RPS6KC1: variants seen among roughly 807,000 people sequenced by gnomAD.
RPS6KC1 encodes the protein ribosomal protein S6 kinase C1, also known as inactive ribosomal protein S6 kinase delta-1.
In RPS6KC1, 54 loss-of-function variants were observed where a neutral mutation model predicts 103.8. That is an observed-to-expected ratio of 0.52 (90% confidence interval 0.42 to 0.65). RPS6KC1 has a LOEUF of 0.65. Ranked by LOEUF, RPS6KC1 falls within the 30% of genes least tolerant of loss-of-function variation. The probability of loss-of-function intolerance (pLI) is 0.00; values close to 1 mark genes in which losing one functional copy is unlikely to be tolerated. For missense variants in RPS6KC1, 1,151 were observed against 1,253.8 expected (o/e 0.92, Z 1.24); for synonymous variants, 439 against 438.7 (o/e 1.00, Z -0.01).
At chr1:213,731,814 A>G in the RPS6KC1 span, among the ~76,000 whole-genome samples, 4 of 152,204 alleles carry the variant, frequency 2.6e-5, no homozygotes, top group Admixed American at 1.3e-4. Context: ...ATAGCCTAAA[A>G]TGTCCAACAG....
At chr1:213,688,668 A>G in the RPS6KC1 span, among the ~76,000 whole-genome samples, 1 of 152,122 alleles carries the variant, frequency 6.6e-6, no homozygotes, top group African/African-American at 2.4e-5. Context: ...AACACTTACC[A>G]TCTTGCTTTC....
In RPS6KC1 at chr1:213,129,650, C is replaced by A. The variant is rs766825388; in HGVS notation, c.596C>A (p.Ser199Ter). The A allele has an allele frequency of 6.2e-7, 1 of 1,613,888 alleles. No homozygotes were observed. The highest frequency in any genetic ancestry group is 1.3e-5 in the African/African-American group (1 of 74,890). ...AGAACTTTTGGTCTCAATCTTTCTT[C>A]GGATTCTTCAGCACTAGGGGCTGTT... ...PIRTFGLNLS[S>*]DSSALGAVAS... Residue 199 changes from serine (S) to a stop codon, truncating the protein, a stop_gained, in exon 6 of 15, where the codon TCG (serine) becomes TAG (stop). Coordinates refer to ENST00000366960, the MANE Select transcript of RPS6KC1 (RefSeq NM_012424.6). LOFTEE classifies it high-confidence loss of function.
chr1:213,830,751 A>G, the RPS6KC1 span, among the ~76,000 whole-genome samples: 1 of 151,466 alleles, frequency 6.6e-6, no homozygotes, highest in Admixed American at 6.6e-5. Context: ...TAGATATTCT[A>G]TTTTAGTCAT....
chr1:213,647,059 C>T, the RPS6KC1 span, among the ~76,000 whole-genome samples: 1 of 151,638 alleles, frequency 6.6e-6, no homozygotes, highest in Non-Finnish European at 1.5e-5. Context: ...CACTACCGCC[C>T]GTAATACACA....
chr1:213,082,153 G>T (rs2079953695), intron 3 of RPS6KC1, among the ~76,000 whole-genome samples: 1 of 152,078 alleles, frequency 6.6e-6, no homozygotes. Flanking sequence ...CGGCACGGTG[G>T]CTCATGCCTG....
At chr1:213,411,148 C>T in the RPS6KC1 span, among the ~76,000 whole-genome samples, 4 of 152,178 alleles carry the variant, frequency 2.6e-5, no homozygotes, top group African/African-American at 9.7e-5. Context: ...CCTGCTCATT[C>T]ACTTGTTGTT....
At chr1:213,645,053 T>G in the RPS6KC1 span, among the ~76,000 whole-genome samples, 2 of 152,100 alleles carry the variant, frequency 1.3e-5, no homozygotes, top group Admixed American at 1.3e-4. Flanking sequence ...TGGGTATAGC[T>G]TCCAAGAAAG....
chr1:213,093,038 T>C (rs2081126642), intron 3 of RPS6KC1, among the ~76,000 whole-genome samples: 1 of 152,212 alleles, frequency 6.6e-6, no homozygotes, highest in African/African-American at 2.4e-5. Flanking sequence ...CTTAAACTTT[T>C]CTCCACATCC....
the RPS6KC1 span, among the ~76,000 whole-genome samples, chr1:213,567,391 C>T: frequency 1.3e-5 from 2 of 152,204 alleles, no homozygotes; most frequent in Non-Finnish European, 2.9e-5. Context: ...TAACTCCCGA[C>T]TCCATGTGGA....
chr1:213,222,048 TCTTAA>T (rs2093846804), intron 8 of RPS6KC1, among the ~76,000 whole-genome samples: 1 of 152,242 alleles, frequency 6.6e-6, no homozygotes, highest in Admixed American at 6.5e-5. Context: ...ACTCTGCCGT[TCTTAA>T]CTTTGTTAAC....
At chr1:213,740,414 T>C in the RPS6KC1 span, among the ~76,000 whole-genome samples, 1 of 152,062 alleles carries the variant, frequency 6.6e-6, no homozygotes, top group African/African-American at 2.4e-5. Context: ...ATTTAAGTAA[T>C]TGATTAAATA....
At chr1:213,257,955 C>T (rs2094691250) in intron 12 of RPS6KC1, among the ~76,000 whole-genome samples, 1 of 151,382 alleles carries the variant, frequency 6.6e-6, no homozygotes, top group Non-Finnish European at 1.5e-5. Context: ...AGGTGCACAC[C>T]ACCACACCTG....
chr1:213,316,147 A>C, the RPS6KC1 span, among the ~76,000 whole-genome samples: 3 of 152,186 alleles, frequency 2.0e-5, no homozygotes, highest in Non-Finnish European at 2.9e-5. Context: ...ATAGTGAGTG[A>C]GTTCTCACAG....
chr1:213,662,877 A>G, the RPS6KC1 span, among the ~76,000 whole-genome samples: 1 of 152,150 alleles, frequency 6.6e-6, no homozygotes, highest in Non-Finnish European at 1.5e-5. Context: ...TCGTTTGGTC[A>G]CTTATTCAAT....
At chr1:213,363,298 T>C in the RPS6KC1 span, among the ~76,000 whole-genome samples, 1 of 152,348 alleles carries the variant, frequency 6.6e-6, no homozygotes, top group East Asian at 1.9e-4. Flanking sequence ...CTATTGTGAG[T>C]AGCTGAAAAC....
the RPS6KC1 span, among the ~76,000 whole-genome samples, chr1:213,665,837 A>G: frequency 3.3e-5 from 5 of 152,216 alleles, no homozygotes; most frequent in Non-Finnish European, 7.3e-5. Flanking sequence ...ACTATAAAAT[A>G]CTGTGTAGTA....
At chr1:213,358,800 C>T in the RPS6KC1 span, among the ~76,000 whole-genome samples, 1 of 152,138 alleles carries the variant, frequency 6.6e-6, no homozygotes, top group Non-Finnish European at 1.5e-5. Context: ...TTTCTGCCTT[C>T]ATTTCGTTAT....
the RPS6KC1 span, among the ~76,000 whole-genome samples, chr1:213,419,077 C>T: frequency 3.2e-4 from 48 of 152,362 alleles, no homozygotes; most frequent in African/African-American, 1.1e-3. Flanking sequence ...CCACGTGTGA[C>T]TCCCTATCCT....
the RPS6KC1 span, among the ~76,000 whole-genome samples, chr1:213,292,429 T>G: frequency 7.2e-5 from 11 of 152,094 alleles, no homozygotes; most frequent in African/African-American, 2.4e-4. Flanking sequence ...GTATGTGAAT[T>G]TGGTTACAAA....
Sources: allele counts gnomAD v4.1 joint callset (sites outside exome capture counted in the v4.1 genomes callset), GRCh38; gene constraint gnomAD v4.1.1; transcripts MANE v1.5; gene names NCBI Gene and HGNC (gene_info 2026-07-23, HGNC 2026-07-21).